Variants in SLC11A2 observed in about 807,000 individuals in gnomAD.
SLC11A2 encodes natural resistance-associated macrophage protein 2.
A neutral mutation model predicts 68.0 loss-of-function variants in SLC11A2; 38 were observed. That is an observed-to-expected ratio of 0.56 (90% confidence interval 0.43 to 0.73). SLC11A2 has a LOEUF of 0.73. Among genes scored for constraint, SLC11A2 ranks in the 30% least tolerant of loss-of-function variants. The pLI, the probability that SLC11A2 is intolerant of heterozygous loss-of-function variation, is 0.00. For missense variants in SLC11A2, 517 were observed against 690.5 expected (o/e 0.75, Z 2.82); for synonymous variants, 242 against 250.6 (o/e 0.97, Z 0.32).
the SLC11A2 span, among the ~76,000 whole-genome samples, chr12:50,957,921 GTA>G: frequency 6.9e-6 from 1 of 145,590 alleles, no homozygotes; most frequent in Admixed American, 6.9e-5. Flanking sequence ...AGAGACTACT[GTA>G]TTCATGAATT....
At chr12:50,993,040 A>C in intron 11 of SLC11A2, 111 bp from the exon 12 acceptor site, 2 of 1,289,702 alleles carry the variant, frequency 1.6e-6, no homozygotes, top group Non-Finnish European at 2.2e-6. Context: ...CACCACCAAC[A>C]CCAAGTGCTG....
chr12:51,005,963 G>A (rs752108071), intron 3 of SLC11A2: 9 of 296,898 alleles, frequency 3.0e-5, no homozygotes, highest in East Asian at 8.4e-5. Flanking sequence ...TTATACTCCC[G>A]TCCCTTTGGA....
At chr12:50,970,482 A>G in the SLC11A2 span, 2 of 1,535,300 alleles carry the variant, frequency 1.3e-6, no homozygotes, top group South Asian at 1.2e-5. Context: ...TTAGACCACG[A>G]TTCTTCAGTG....
downstream of SLC11A2, among the ~76,000 whole-genome samples, chr12:50,976,997 G>C (rs1314252727): frequency 2.6e-5 from 4 of 152,044 alleles, no homozygotes; most frequent in African/African-American, 9.7e-5. Context: ...AATAAAAGAG[G>C]ATACAAACAA....
chr12:50,984,712 A>C (rs1344842376), downstream of SLC11A2, among the ~76,000 whole-genome samples: 2 of 152,212 alleles, frequency 1.3e-5, no homozygotes, highest in African/African-American at 4.8e-5. Flanking sequence ...GGCCCTGTCC[A>C]TTCTCTACAC....
At chr12:51,016,019 G>A (rs1943621933) in intron 1 of SLC11A2, among the ~76,000 whole-genome samples, 1 of 151,826 alleles carries the variant, frequency 6.6e-6, no homozygotes, top group African/African-American at 2.4e-5. Flanking sequence ...TCCTGACCTT[G>A]TGATCTGCCC....
rs566604454 is a variant in SLC11A2 at position 51,025,165 on chromosome 12, G to GA, written c.-39+1144dup. Among the ~76,000 whole-genome samples, 520 of 152,260 alleles carry GA rather than the reference G, an allele frequency of 3.4e-3. 5 individuals are homozygous for GA. The highest frequency in any genetic ancestry group is 0.012 in the African/African-American group (500 of 41,552). ...CAGATCAAAGTTAATGATGTCAATG[G>GA]AAAGTATAGGCCGGCGGGTTCACTG... On this transcript the variant is annotated intron_variant, in intron 1 of 15. Transcript: ENST00000262052.
rs775464987 is a variant in SLC11A2 at position 50,995,692 on chromosome 12, G to A, written c.927C>T (p.Ile309=). The change falls in exon 10 of 16, where the codon ATC becomes ATT. Residue 309 remains isoleucine, a synonymous_variant. Transcript: ENST00000262052. The part of the protein sequence containing the change: ...ESCIALFVSF[I]INVFVVSVFA... Reference sequence around the variant, plus strand: ...AGACTGAGACAACAAAGACATTGATGATGAAGGAAACAAAGAGTGCAATGC... The same window carrying A: ...AGACTGAGACAACAAAGACATTGATAATGAAGGAAACAAAGAGTGCAATGC... 3.1e-6 allele frequency: 5 copies of A among 1,614,124 alleles called. No individual in the cohort carries two copies. In the East Asian group the frequency reaches 1.1e-4, roughly 36 times the overall value.
the SLC11A2 span, among the ~76,000 whole-genome samples, chr12:50,952,646 G>C: frequency 6.6e-6 from 1 of 152,210 alleles, no homozygotes; most frequent in Non-Finnish European, 1.5e-5. Flanking sequence ...GCAACGTCAC[G>C]TCTTTCCCCT....
Position 51,002,638 on chromosome 12 carries a change from C to CAAA in SLC11A2, c.429+2147_429+2149dup, listed in dbSNP as rs755823057. Among the ~76,000 whole-genome samples, 82 of 71,774 alleles carry CAAA rather than the reference C, an allele frequency of 1.1e-3. 2 individuals carry two copies. Among genetic ancestry groups the CAAA allele is most frequent in the African/African-American group, 4.1e-3 (80 of 19,624 alleles). 47.1% of individuals were successfully genotyped at this position (71,774 alleles called of 152,430 possible). ...TGGGTGACAAAGCGAGACTTGGTCTCAAAAAAAAAAAAAAAGGGCAGAGCC... is the reference window on the plus strand; with the variant it reads ...TGGGTGACAAAGCGAGACTTGGTCTCAAAAAAAAAAAAAAAAAAGGGCAGAGCC... On this transcript the variant is annotated intron_variant, in intron 5 of 15. Coordinates refer to ENST00000262052, the MANE Select transcript of SLC11A2 (RefSeq NM_000617.3).
the SLC11A2 span, among the ~76,000 whole-genome samples, chr12:50,962,232 TACACAC>T: frequency 2.9e-4 from 43 of 146,294 alleles, no homozygotes; most frequent in African/African-American, 1.1e-3. Flanking sequence ...CTAAAAAAAT[TACACAC>T]ACACACACAC....
rs1436916619 is a variant in SLC11A2 at position 50,987,076 on chromosome 12, A to G, written c.*1249T>C. ...ACAATCTCAGGCTCGGTATGTAAAA[A>G]TGTCAGAAGTGGCTGAAGTAAAAGC... On this transcript the variant is annotated 3_prime_UTR_variant, in exon 16 of 16. Coordinates refer to ENST00000262052, the MANE Select transcript of SLC11A2 (RefSeq NM_000617.3). The G allele has an allele frequency of 7.8e-7, 1 of 1,286,614 alleles. No individual in the cohort carries two copies. Among genetic ancestry groups the G allele is most frequent in the Admixed American group, 2.3e-5 (1 of 43,472 alleles). 79.7% of individuals were successfully genotyped at this position (1,286,614 alleles called of 1,614,324 possible). A position where few individuals can be genotyped will look rare whatever the true frequency, so the allele number is the denominator to read the frequency against.
At chr12:50,988,741 C>T (rs1005783575) in intron 15 of SLC11A2, among the ~76,000 whole-genome samples, 5 of 151,980 alleles carry the variant, frequency 3.3e-5, no homozygotes, top group African/African-American at 1.2e-4. Context: ...GAGACAAGGT[C>T]TCCCTCTATT....
intron 8 of SLC11A2, among the ~76,000 whole-genome samples, chr12:50,998,065 T>C (rs899936571): frequency 6.8e-6 from 1 of 147,230 alleles, no homozygotes; most frequent in African/African-American, 2.5e-5. Flanking sequence ...GGCTCAAAAA[T>C]ATACAACCAG....
At chr12:51,005,476 A>G (rs1942643340) in intron 3 of SLC11A2, 40 bp from the exon 4 acceptor site, 1 of 1,610,954 alleles carries the variant, frequency 6.2e-7, no homozygotes, top group Non-Finnish European at 8.5e-7. Context: ...GAACATCACC[A>G]TTGAACTACT....
intron 2 of SLC11A2, chr12:51,009,112 C>CT: frequency 6.8e-7 from 1 of 1,478,606 alleles, no homozygotes; most frequent in Non-Finnish European, 9.1e-7. Context: ...TTTGGTAGGA[C>CT]TTACTCAAAT....
At chr12:50,960,774 CT>C in the SLC11A2 span, among the ~76,000 whole-genome samples, 1 of 152,086 alleles carries the variant, frequency 6.6e-6, no homozygotes, top group South Asian at 2.1e-4. Context: ...CCCTGAACTC[CT>C]AGGCTCAAGG....
chr12:51,023,888 G>T (rs2269685), intron 1 of SLC11A2, among the ~76,000 whole-genome samples: 25 of 152,038 alleles, frequency 1.6e-4, no homozygotes, highest in Admixed American at 1.4e-3. Context: ...CTACTAGGGA[G>T]GCTGTGGCAG....
At chr12:50,956,167 G>A in the SLC11A2 span, among the ~76,000 whole-genome samples, 46 of 152,324 alleles carry the variant, frequency 3.0e-4, no homozygotes, top group East Asian at 8.7e-3. Flanking sequence ...CAAGGTGGGT[G>A]GATCACTTGA....
Sources: allele counts gnomAD v4.1 joint callset (sites outside exome capture counted in the v4.1 genomes callset), GRCh38; gene constraint gnomAD v4.1.1; transcripts MANE v1.5; gene names NCBI Gene and HGNC (gene_info 2026-07-23, HGNC 2026-07-21).